Variants in LMO1 observed in about 807,000 individuals in gnomAD.
LMO1 encodes LIM domain only 1.
In LMO1, 10 loss-of-function variants were observed where a neutral mutation model predicts 18.0. The ratio of observed to expected loss-of-function variants is 0.55; its 90% CI spans 0.34 to 0.94. The LOEUF is 0.94. Ranked by LOEUF, LMO1 falls within the 40% of genes least tolerant of loss-of-function variation. The pLI is 0.02. For synonymous variants in LMO1, 77 were observed against 77.9 expected (o/e 0.99, Z 0.06); for missense variants, 183 against 205.7 (o/e 0.89, Z 0.68).
chr11:8,253,628 G>A (rs1034531581), intron 1 of LMO1, among the ~76,000 whole-genome samples: 1 of 152,106 alleles, frequency 6.6e-6, no homozygotes. Context: ...CAGGATTGGG[G>A]TTTTTAAAGA....
At chr11:8,239,204 T>C (rs898019584) in intron 1 of LMO1, among the ~76,000 whole-genome samples, 2 of 152,146 alleles carry the variant, frequency 1.3e-5, no homozygotes, top group Non-Finnish European at 2.9e-5. Context: ...CAGCCTGGAT[T>C]CTCCGGTGCA....
chr11:8,238,112 A>T lies in LMO1; in HGVS notation c.26-7608T>A, dbSNP rs553718690. ...TGTCCATCAAAACAGATGCACAAAA[A>T]TGTTCATAGACGTTTTCTTCTTAGT... is the stretch of plus-strand genomic sequence containing the variant. On this transcript the variant is annotated intron_variant, in intron 1 of 3. Coordinates refer to ENST00000335790, the MANE Select transcript of LMO1 (RefSeq NM_002315.3). Among the ~76,000 whole-genome samples the T allele has an allele frequency of 7.2e-5, 11 of 152,358 alleles. No individual in the cohort carries two copies. The East Asian group carries it at 2.1e-3, about 29-fold the overall frequency.
At chr11:8,263,250 T>C (rs1044460745) in intron 1 of LMO1, 88 bp downstream of exon 1, 6 of 1,390,626 alleles carry the variant, frequency 4.3e-6, no homozygotes, top group Admixed American at 3.8e-5. Context: ...CCAGCAGGTG[T>C]GCGCCCGTGT....
upstream of LMO1, among the ~76,000 whole-genome samples, chr11:8,264,253 A>T (rs113759453): frequency 1.3e-5 from 2 of 151,674 alleles, no homozygotes; most frequent in Non-Finnish European, 2.9e-5. Context: ...TTACAGCACT[A>T]CTCCTGACCC....
intron 1 of LMO1, among the ~76,000 whole-genome samples, chr11:8,242,328 G>T (rs559142437): frequency 2.0e-5 from 3 of 152,288 alleles, no homozygotes; most frequent in East Asian, 3.9e-4. Context: ...CAGCCCTCAG[G>T]GGGTAGCGGG....
Position 8,263,320 on chromosome 11 carries a change from C to G in LMO1, c.25+18G>C. 1 of 1,597,226 alleles carries G rather than the reference C, an allele frequency of 6.3e-7. No homozygotes were observed. Among genetic ancestry groups the G allele is most frequent in the Non-Finnish European group, 8.5e-7 (1 of 1,176,974 alleles). On this transcript the variant is annotated intron_variant, in intron 1 of 3. Coordinates refer to ENST00000335790, the MANE Select transcript of LMO1 (RefSeq NM_002315.3). ...GGCGAGGGGGTGAGGGGCGTCGAGA[C>G]CCCGGCCCGCCACCTACCGTCCTCC... is the stretch of plus-strand genomic sequence containing the variant.
chr11:8,268,527 C>G, upstream of LMO1: 5 of 1,206,658 alleles, frequency 4.1e-6, no homozygotes, highest in Non-Finnish European at 5.3e-6. Context: ...CGGCCGCCTG[C>G]GCTGCTCCCG....
At chr11:8,235,639 G>C (rs998970870) in intron 1 of LMO1, among the ~76,000 whole-genome samples, 2 of 152,122 alleles carry the variant, frequency 1.3e-5, no homozygotes, top group Admixed American at 6.6e-5. Context: ...ATTCCTAAAC[G>C]TTTCTTTTGT....
At chr11:8,255,732 T>G (rs1385637991) in intron 1 of LMO1, among the ~76,000 whole-genome samples, 1 of 151,954 alleles carries the variant, frequency 6.6e-6, no homozygotes, top group Non-Finnish European at 1.5e-5. Context: ...GTTAAATAAA[T>G]GCTTATTGTG....
chr11:8,256,508 A>C (rs2134579896), intron 1 of LMO1, among the ~76,000 whole-genome samples: 1 of 152,342 alleles, frequency 6.6e-6, no homozygotes, highest in East Asian at 1.9e-4. Flanking sequence ...ATGGGCCTTC[A>C]CACTGGGCAG....
chr11:8,268,014 G>C (rs1208855389), upstream of LMO1, among the ~76,000 whole-genome samples: 1 of 152,248 alleles, frequency 6.6e-6, no homozygotes, highest in Non-Finnish European at 1.5e-5. Flanking sequence ...AGTAGGGTGC[G>C]GAAGGGGAAC....
At chr11:8,243,252 A>G (rs181460615) in intron 1 of LMO1, among the ~76,000 whole-genome samples, 10 of 152,348 alleles carry the variant, frequency 6.6e-5, no homozygotes, top group African/African-American at 2.4e-4. Flanking sequence ...AGACGCTGAA[A>G]GCAAGGCCCA....
intron 2 of LMO1, among the ~76,000 whole-genome samples, chr11:8,230,085 C>T (rs554576244): frequency 8.5e-4 from 130 of 152,318 alleles, no homozygotes; most frequent in South Asian, 1.9e-3. Flanking sequence ...TGCTGGGTAC[C>T]GAGTCCAAGG....
In LMO1 at chr11:8,252,691, C is replaced by T. The variant is rs570322554; in HGVS notation, c.25+10647G>A. Among the ~76,000 whole-genome samples, 182 of 152,378 alleles carry T rather than the reference C, an allele frequency of 1.2e-3. 1 individual carries two copies. Among genetic ancestry groups the T allele is most frequent in the African/African-American group, 2.6e-3 (107 of 41,592 alleles). On this transcript the variant is annotated intron_variant, in intron 1 of 3. Coordinates refer to ENST00000335790, the MANE Select transcript of LMO1 (RefSeq NM_002315.3). ...CCAGCAAGGCGTGGAGGCCCTCAGT[C>T]CAGCAGCCCGTGAGGAACCGCATTC... is the stretch of plus-strand genomic sequence containing the variant.
chr11:8,226,138 C>T (rs1353803117), intron 3 of LMO1, among the ~76,000 whole-genome samples: 1 of 152,176 alleles, frequency 6.6e-6, no homozygotes, highest in African/African-American at 2.4e-5. Context: ...CACACACATG[C>T]ACATACTATA....
At chr11:8,253,628 G>T (rs1034531581) in intron 1 of LMO1, among the ~76,000 whole-genome samples, 4 of 152,106 alleles carry the variant, frequency 2.6e-5, no homozygotes, top group Non-Finnish European at 5.9e-5. Context: ...CAGGATTGGG[G>T]TTTTTAAAGA....
At chr11:8,227,994 T>C (rs529088859) in intron 2 of LMO1, among the ~76,000 whole-genome samples, 12 of 152,364 alleles carry the variant, frequency 7.9e-5, no homozygotes, top group Admixed American at 5.2e-4. Context: ...TATTAAATCT[T>C]TTTTCCATGA....
At chr11:8,237,462 C>A (rs1467519831) in intron 1 of LMO1, among the ~76,000 whole-genome samples, 1 of 152,248 alleles carries the variant, frequency 6.6e-6, no homozygotes, top group African/African-American at 2.4e-5. Flanking sequence ...CGTCTCACTG[C>A]ACTCCTATTC....
chr11:8,239,349 T>C (rs1037987292), intron 1 of LMO1, among the ~76,000 whole-genome samples: 3 of 152,178 alleles, frequency 2.0e-5, no homozygotes, highest in Non-Finnish European at 4.4e-5. Flanking sequence ...CACTCATCTA[T>C]TGGTTCTTCA....
Sources: gnomAD v4.1 joint callset for allele counts (sites outside exome capture counted in the v4.1 genomes callset) on GRCh38, gnomAD v4.1.1 for gene constraint, MANE v1.5 for transcripts, NCBI Gene and HGNC (gene_info 2026-07-23, HGNC 2026-07-21) for gene names.